The following NFATC1 variants were observed in gnomAD, a reference collection of about 807,000 sequenced individuals.
The protein encoded by NFATC1 is nuclear factor of activated T cells 1, also known as nuclear factor of activated T-cells, cytoplasmic 1.
Under a neutral mutation model 76.0 loss-of-function variants are expected in NFATC1, and 22 were observed. That is an observed-to-expected ratio of 0.29 (90% CI 0.21 to 0.41). NFATC1 has a LOEUF of 0.41. NFATC1 is among the 10% of genes least tolerant of loss of function. The pLI, the probability that NFATC1 is intolerant of heterozygous loss-of-function variation, is 1.00. For synonymous variants in NFATC1, 704 were observed against 613.1 expected (o/e 1.15, Z -2.19); for missense variants, 1,357 against 1,337.7 (o/e 1.01, Z -0.23).
intron 7 of NFATC1, among the ~76,000 whole-genome samples, chr18:79,466,146 A>G (rs1600822743): frequency 6.6e-6 from 1 of 152,336 alleles, no homozygotes; most frequent in Admixed American, 6.5e-5. Flanking sequence ...CAGCTGTTTC[A>G]TTATTTGTAA....
In NFATC1 at chr18:79,473,708, C is replaced by T. The variant is rs1600848507; in HGVS notation, c.2092+6126C>T. Among the ~76,000 whole-genome samples the T allele has an allele frequency of 6.2e-5, 9 of 145,946 alleles. 1 individual carries two copies. The South Asian group carries it at 1.8e-3, about 28-fold the overall frequency. On this transcript the variant is annotated intron_variant, in intron 8 of 9. Transcript: ENST00000427363. ...AGCGTGTTCTCACACTCACTGTCGA[C>T]GTTGCAAGGGAAGCGTGTTCTCACA... is the stretch of plus-strand genomic sequence containing the variant.
At chr18:79,424,143 G>A (rs775856040) in intron 2 of NFATC1, among the ~76,000 whole-genome samples, 12 of 152,250 alleles carry the variant, frequency 7.9e-5, no homozygotes, top group Non-Finnish European at 1.8e-4. Flanking sequence ...TGAAGGCTGC[G>A]TCCAGCGGCC....
chr18:79,483,325 G>A (rs1353762554), intron 8 of NFATC1, among the ~76,000 whole-genome samples: 2 of 137,902 alleles, frequency 1.5e-5, no homozygotes, highest in Admixed American at 7.3e-5. Context: ...TGGTTCCTGG[G>A]GTGTCATTCC....
At chr18:79,493,569 G>C (rs1057284002) in intron 9 of NFATC1, 1 of 152,368 alleles carries the variant, frequency 6.6e-6, no homozygotes, top group South Asian at 2.1e-4. Flanking sequence ...CGGCCGGAGC[G>C]TGTCCGCCGC....
At chr18:79,516,755 G>A (rs576756599) in intron 9 of NFATC1, among the ~76,000 whole-genome samples, 28 of 152,306 alleles carry the variant, frequency 1.8e-4, no homozygotes, top group African/African-American at 5.8e-4. Context: ...CGCACACACC[G>A]AAGCCACCTC....
At chr18:79,476,370 C>T (rs770225898) in intron 8 of NFATC1, among the ~76,000 whole-genome samples, 3 of 152,248 alleles carry the variant, frequency 2.0e-5, no homozygotes, top group African/African-American at 4.8e-5. Flanking sequence ...CGGCGGGCAG[C>T]GCGGGCGAGG....
chr18:79,415,833 A>G (rs552533481), intron 2 of NFATC1, among the ~76,000 whole-genome samples: 7 of 152,008 alleles, frequency 4.6e-5, no homozygotes, highest in Admixed American at 4.6e-4. Flanking sequence ...AGGCCGAGGC[A>G]GGTGGATCAG....
intron 2 of NFATC1, among the ~76,000 whole-genome samples, chr18:79,426,124 C>T (rs1469201776): frequency 6.6e-6 from 1 of 152,122 alleles, no homozygotes; most frequent in Non-Finnish European, 1.5e-5. Flanking sequence ...GTGGGAGGAT[C>T]CCGTGAGGCC....
rs562632320 is a variant in NFATC1, at chr18:79,434,270, C to A, written c.1386+532C>A. On this transcript the variant is annotated intron_variant, in intron 3 of 9. Coordinates refer to ENST00000427363, the MANE Select transcript of NFATC1 (RefSeq NM_001278669.2). ...CCTGCCGGGGTAGGCCTGGGCCTGG[C>A]AACCCTGCAGCCGCGTCCCTGCTGG... Among the ~76,000 whole-genome samples the A allele has an allele frequency of 2.6e-5, 4 of 152,340 alleles. No individual in the cohort carries two copies. The South Asian group carries it at 8.3e-4, about 32-fold the overall frequency.
chr18:79,482,798 G>T (rs1463814680), intron 8 of NFATC1, among the ~76,000 whole-genome samples: 1 of 134,682 alleles, frequency 7.4e-6, no homozygotes, highest in Non-Finnish European at 1.6e-5. Context: ...TGGTCCTGGG[G>T]TGTCACTTCA....
At chr18:79,505,987 G>A (rs2090113627) in intron 9 of NFATC1, among the ~76,000 whole-genome samples, 1 of 152,166 alleles carries the variant, frequency 6.6e-6, no homozygotes, top group African/African-American at 2.4e-5. Flanking sequence ...GGCACAACTG[G>A]GCACCTTTAC....
chr18:79,489,318 T>A (rs1023150125), intron 9 of NFATC1, among the ~76,000 whole-genome samples: 5 of 152,256 alleles, frequency 3.3e-5, no homozygotes, highest in South Asian at 2.1e-4. Flanking sequence ...CACAGACGAC[T>A]CCCTGACACA....
chr18:79,461,518 G>A, intron 7 of NFATC1, 152 bp downstream of exon 7: 1 of 527,308 alleles, frequency 1.9e-6, no homozygotes, highest in East Asian at 5.3e-5. Flanking sequence ...TAGAGTAACA[G>A]AACCAGTAAC....
intron 8 of NFATC1, chr18:79,469,422 C>T: frequency 1.0e-6 from 1 of 985,536 alleles, no homozygotes; most frequent in Middle Eastern, 5.2e-4. Context: ...GCCTGCCCTT[C>T]ACAGGTGGGA....
chr18:79,426,516 G>C (rs912057008), intron 2 of NFATC1, among the ~76,000 whole-genome samples: 1 of 152,210 alleles, frequency 6.6e-6, no homozygotes, highest in Non-Finnish European at 1.5e-5. Context: ...GGACTCGCAG[G>C]GCCTGGCAGG....
intron 9 of NFATC1, among the ~76,000 whole-genome samples, chr18:79,491,466 C>T (rs917701970): frequency 6.6e-6 from 1 of 152,184 alleles, no homozygotes; most frequent in African/African-American, 2.4e-5. Context: ...TTGGAGGAAA[C>T]AGGAGAGAAG....
chr18:79,424,961 C>T (rs1049400519), intron 2 of NFATC1, among the ~76,000 whole-genome samples: 3 of 139,172 alleles, frequency 2.2e-5, no homozygotes, highest in African/African-American at 9.0e-5. Context: ...CTGTGTCTGT[C>T]TCTCCGTCTC....
At chr18:79,483,757 C>A (rs1282131270) in intron 8 of NFATC1, among the ~76,000 whole-genome samples, 1 of 142,174 alleles carries the variant, frequency 7.0e-6, no homozygotes, top group Non-Finnish European at 1.5e-5. Flanking sequence ...TCCAGCGTGA[C>A]CTCGTTCCTG....
chr18:79,516,535 G>A (rs544460357), intron 9 of NFATC1, among the ~76,000 whole-genome samples: 10 of 152,262 alleles, frequency 6.6e-5, no homozygotes, highest in East Asian at 1.9e-4. Context: ...TTCTTACCCC[G>A]TTTCTCAGCC....
Sources: gnomAD v4.1 joint callset for allele counts (sites outside exome capture counted in the v4.1 genomes callset) on GRCh38, gnomAD v4.1.1 for gene constraint, MANE v1.5 for transcripts, NCBI Gene and HGNC (gene_info 2026-07-23, HGNC 2026-07-21) for gene names.